The following DOCK9 variants were observed in gnomAD, a reference collection of about 807,000 sequenced individuals.
DOCK9 encodes the protein dedicator of cytokinesis protein 9.
DOCK9 carries 89 observed loss-of-function variants against 263.3 expected under a neutral mutation model. The observed-to-expected ratio is 0.34, with a 90% CI of 0.28 to 0.40. The LOEUF (loss-of-function observed/expected upper bound fraction) is 0.40. DOCK9 is among the 10% of genes least tolerant of loss of function. The pLI is 1.00. For missense variants in DOCK9, 2,140 were observed against 2,603.4 expected, an observed-to-expected ratio of 0.82 and a Z score of 3.87; for synonymous variants, 976 against 973.1, an observed-to-expected ratio of 1.00 and a Z score of -0.06.
chr13:99,019,423 T>C (rs1885809585), intron 1 of DOCK9, among the ~76,000 whole-genome samples: 1 of 152,234 alleles, frequency 6.6e-6, no homozygotes, highest in Non-Finnish European at 1.5e-5. Flanking sequence ...ACACTTGTGA[T>C]GCTTTGAAGC....
chr13:98,920,857 T>C (rs1408612994), intron 7 of DOCK9, 97 bp downstream of exon 7: 32 of 1,194,044 alleles, frequency 2.7e-5, no homozygotes, highest in South Asian at 1.4e-4. Context: ...ACCATGCATA[T>C]TGCCATTTTT....
chr13:98,931,075 G>A (rs1380960208), intron 2 of DOCK9, among the ~76,000 whole-genome samples: 1 of 152,160 alleles, frequency 6.6e-6, no homozygotes, highest in Non-Finnish European at 1.5e-5. Context: ...GCGCCTAAGA[G>A]CATAGATAAC....
intron 1 of DOCK9, among the ~76,000 whole-genome samples, chr13:99,025,925 A>C (rs1886648235): frequency 6.6e-6 from 1 of 152,220 alleles, no homozygotes; most frequent in African/African-American, 2.4e-5. Flanking sequence ...AAGTGAAAGA[A>C]GCCCCGCATA....
upstream of DOCK9, among the ~76,000 whole-genome samples, chr13:99,087,183 G>A (rs2042368013): frequency 6.6e-6 from 1 of 152,106 alleles, no homozygotes; most frequent in South Asian, 2.1e-4. Flanking sequence ...CTGGCGCGGG[G>A]CGCCGCGCGC....
At chr13:98,859,653 T>C (rs1484127678) in intron 33 of DOCK9, 1 of 151,842 alleles carries the variant, frequency 6.6e-6, no homozygotes, top group Non-Finnish European at 1.5e-5. Flanking sequence ...TTATTCAAAA[T>C]GTGATAAAGA....
intron 1 of DOCK9, among the ~76,000 whole-genome samples, chr13:98,992,361 C>G (rs1264653936): frequency 2.6e-5 from 4 of 152,152 alleles, no homozygotes; most frequent in African/African-American, 9.7e-5. Flanking sequence ...TAAGGGCACT[C>G]CGATCTCCCC....
intron 21 of DOCK9, 102 bp downstream of exon 21, chr13:98,884,869 G>A: frequency 7.5e-7 from 1 of 1,331,176 alleles, no homozygotes; most frequent in Non-Finnish European, 1.0e-6. Flanking sequence ...AATGGTGGAA[G>A]AGCAAAAATA....
At chr13:98,846,660 C>T in intron 37 of DOCK9, 1 of 844,726 alleles carries the variant, frequency 1.2e-6, no homozygotes, top group Non-Finnish European at 1.8e-6. Context: ...AAAATGAGAC[C>T]AGGGCTGCAA....
chr13:98,945,700 AAG>A (rs1458518410), intron 2 of DOCK9, among the ~76,000 whole-genome samples: 6 of 152,216 alleles, frequency 3.9e-5, no homozygotes, highest in African/African-American at 7.2e-5. Context: ...CTTAAGTGGA[AAG>A]ACCCCCCTCT....
intron 1 of DOCK9, among the ~76,000 whole-genome samples, chr13:99,002,018 C>T (rs1028738134): frequency 6.6e-5 from 10 of 152,184 alleles, no homozygotes; most frequent in Admixed American, 5.2e-4. Context: ...CCTTCCTCTG[C>T]GCTTGCATCT....
chr13:98,912,239 A>G (rs1367182875), intron 9 of DOCK9, among the ~76,000 whole-genome samples: 4 of 152,324 alleles, frequency 2.6e-5, no homozygotes, highest in African/African-American at 9.6e-5. Context: ...GTACATGTAT[A>G]AGTCCATTCA....
At chr13:99,034,161 GC>G in intron 1 of DOCK9, among the ~76,000 whole-genome samples, 1 of 152,114 alleles carries the variant, frequency 6.6e-6, no homozygotes, top group Non-Finnish European at 1.5e-5. Context: ...AAGATTACAA[GC>G]TTTCAGGAGT....
At chr13:99,033,224 G>A (rs1887530393) in intron 1 of DOCK9, among the ~76,000 whole-genome samples, 1 of 152,166 alleles carries the variant, frequency 6.6e-6, no homozygotes, top group African/African-American at 2.4e-5. Context: ...ACCAGTAGTA[G>A]AGAAGGCAAA....
In DOCK9 at chr13:98,845,738, G is replaced by T. The variant is rs117999209; in HGVS notation, c.4198+186C>A. On this transcript the variant is annotated intron_variant, in intron 38 of 52. Transcript: ENST00000682017. ...GCTGTAGTTGAGCACGTTCCACATT[G>T]TGTCACTCCCAAATGCTGAGGACGC... Among the ~76,000 whole-genome samples, 1,342 of 152,308 alleles carry T rather than the reference G, an allele frequency of 8.8e-3. 7 individuals are homozygous for T. The highest frequency in any genetic ancestry group is 0.015 in the Non-Finnish European group (1,022 of 68,038).
intron 9 of DOCK9, among the ~76,000 whole-genome samples, chr13:98,909,210 G>T (rs1200133902): frequency 6.6e-6 from 1 of 152,180 alleles, no homozygotes; most frequent in South Asian, 2.1e-4. Context: ...GGAAAAGAAT[G>T]ATTCATCTAA....
rs1409351100 is a variant in DOCK9 at position 98,794,404 on chromosome 13, A to G, written c.*222T>C. Reference sequence around the variant, plus strand: ...GTCTACCACACCTTTGTTAAGACACAATGAAAACTTTGAATATTGCCAGTG... The same window carrying G: ...GTCTACCACACCTTTGTTAAGACACGATGAAAACTTTGAATATTGCCAGTG... On this transcript the variant is annotated 3_prime_UTR_variant, in exon 53 of 53. Transcript: ENST00000682017. The G allele has an allele frequency of 2.1e-5, 12 of 566,420 alleles. No homozygotes were observed. Among genetic ancestry groups the G allele is most frequent in the Non-Finnish European group, 3.4e-5 (11 of 325,012 alleles). 35.1% of individuals were successfully genotyped at this position (566,420 alleles called of 1,614,324 possible). A position where few individuals can be genotyped will look rare whatever the true frequency, so the allele number is the denominator to read the frequency against.
At chr13:98,955,266 C>T (rs1490380937) in intron 2 of DOCK9, among the ~76,000 whole-genome samples, 169 bp downstream of exon 2, 5 of 152,096 alleles carry the variant, frequency 3.3e-5, no homozygotes, top group African/African-American at 1.2e-4. Flanking sequence ...TGCCGTTGAG[C>T]CAAGATGGCA....
chr13:98,809,606 T>C (rs1412370567), intron 46 of DOCK9, 141 bp from the exon 47 acceptor site: 2 of 674,542 alleles, frequency 3.0e-6, no homozygotes, highest in Admixed American at 3.2e-5. Context: ...GCACAACTTG[T>C]AGTGATCATT....
chr13:98,911,576 A>C (rs2050038453), intron 9 of DOCK9, among the ~76,000 whole-genome samples: 1 of 152,148 alleles, frequency 6.6e-6, no homozygotes, highest in African/African-American at 2.4e-5. Flanking sequence ...ATTTTATGTA[A>C]AAAATTATGT....
Sources: gnomAD v4.1 joint callset for allele counts (sites outside exome capture counted in the v4.1 genomes callset) on GRCh38, gnomAD v4.1.1 for gene constraint, MANE v1.5 for transcripts, NCBI Gene and HGNC (gene_info 2026-07-23, HGNC 2026-07-21) for gene names.